Variants in DNAH11 observed in about 807,000 individuals in gnomAD.
DNAH11 encodes the protein axonemal beta dynein heavy chain 11.
DNAH11 carries 442 observed loss-of-function variants against 526.0 expected under a neutral mutation model. That is an observed-to-expected ratio of 0.84 (90% CI 0.78 to 0.91). DNAH11 has a LOEUF of 0.91. DNAH11 is among the 40% of genes least tolerant of loss of function. The pLI is 0.00. For missense variants in DNAH11, 6,989 were observed against 5,448.7 expected (o/e 1.28, Z -8.90); for synonymous variants, 2,461 against 1,935.9 (o/e 1.27, Z -7.12).
At chr7:21,575,850 C>T (rs1037920877) in intron 8 of DNAH11, among the ~76,000 whole-genome samples, 13 of 152,332 alleles carry the variant, frequency 8.5e-5, no homozygotes, top group African/African-American at 3.1e-4. Context: ...TATATTTTGG[C>T]AGTCATTCTG....
At chr7:21,781,319 G>A (rs28390069) in intron 57 of DNAH11, among the ~76,000 whole-genome samples, 4 of 152,180 alleles carry the variant, frequency 2.6e-5, no homozygotes, top group Non-Finnish European at 5.9e-5. Flanking sequence ...AGCCCATGTA[G>A]AGAGGCAGGT....
chr7:21,544,876 CTTGT>C, intron 1 of DNAH11, 126 bp from the exon 2 acceptor site: 1 of 683,812 alleles, frequency 1.5e-6, no homozygotes, highest in East Asian at 2.9e-5. Context: ...GTAGAAGGAC[CTTGT>C]TTATAGGGCA....
intron 45 of DNAH11, 103 bp from the exon 46 acceptor site, chr7:21,735,536 TA>T: frequency 2.1e-6 from 2 of 942,424 alleles, no homozygotes; most frequent in Non-Finnish European, 3.2e-6. Context: ...ATTTCAATTA[TA>T]AAGTGACTGT....
chr7:21,614,975 C>T, intron 20 of DNAH11, 139 bp from the exon 21 acceptor site: 1 of 986,608 alleles, frequency 1.0e-6, no homozygotes, highest in Non-Finnish European at 1.4e-6. Flanking sequence ...TACATTTTGC[C>T]AGTAATTACG....
At chr7:21,897,102 T>C (rs1364703443) in intron 79 of DNAH11, among the ~76,000 whole-genome samples, 1 of 152,150 alleles carries the variant, frequency 6.6e-6, no homozygotes, top group African/African-American at 2.4e-5. Context: ...TCATCGTCCA[T>C]AATTATCAGT....
Position 21,600,115 on chromosome 7 carries a change from A to T in DNAH11, c.2996A>T (p.Tyr999Phe). ...RIATHLEIKN[Y>F]QNDMDNMLGL... is the part of the protein sequence containing the mutation. ...GCAACACACCTGGAAATTAAAAATT[A>T]TCAGGTATTTTCTTAGTAAATGGGT... is the stretch of plus-strand genomic sequence containing the variant. Residue 999 changes from tyrosine (Y) to phenylalanine (F), a missense_variant, in exon 15 of 82, where the codon TAT (tyrosine) becomes TTT (phenylalanine). By Grantham distance (22) the Tyr-to-Phe change is conservative. Transcript: ENST00000409508. 6.5e-7 allele frequency: 1 copy of T among 1,538,396 alleles called. No homozygotes were observed. The highest frequency in any genetic ancestry group is 2.3e-5 in the East Asian group (1 of 43,912).
At chr7:21,616,416 GCAGA>G in intron 22 of DNAH11, 124 bp downstream of exon 22, 1 of 701,042 alleles carries the variant, frequency 1.4e-6, no homozygotes, top group Non-Finnish European at 2.3e-6. Context: ...CAGAGTGATA[GCAGA>G]CAGTGTTTTT....
At chr7:21,580,133 A>G (rs1784256015) in intron 8 of DNAH11, among the ~76,000 whole-genome samples, 2 of 152,162 alleles carry the variant, frequency 1.3e-5, no homozygotes, top group African/African-American at 4.8e-5. Flanking sequence ...GTTTTCAGGA[A>G]TGAGTGAGTG....
Position 21,739,578 on chromosome 7 carries a change from A to G in DNAH11, c.7819A>G (p.Arg2607Gly). ...QHIDYGHWYD[R>G]QKVMLKEIHN... ...CTGTTTTCTGTCTTTCAGGTATGAT[A>G]GACAGAAGGTGATGCTTAAAGAAAT... Residue 2607 changes from arginine (R) to glycine (G), a missense_variant, in exon 48 of 82, where the codon AGA becomes GGA. By Grantham distance (125) the Arg-to-Gly change is moderately radical (BLOSUM62 -2). Transcript: ENST00000409508. 1 of 1,611,510 alleles carries G rather than the reference A, an allele frequency of 6.2e-7. No homozygotes were observed. The highest frequency in any genetic ancestry group is 1.7e-5 in the Admixed American group (1 of 59,606).
intron 8 of DNAH11, among the ~76,000 whole-genome samples, chr7:21,578,047 T>C (rs1784167682): frequency 6.6e-6 from 1 of 152,106 alleles, no homozygotes; most frequent in Non-Finnish European, 1.5e-5. Context: ...CTTACAATCA[T>C]GATGGAAGAT....
At chr7:21,789,663 C>A (rs946230689) in intron 61 of DNAH11, among the ~76,000 whole-genome samples, 1 of 152,072 alleles carries the variant, frequency 6.6e-6, no homozygotes, top group African/African-American at 2.4e-5. Flanking sequence ...TATCTTGGCT[C>A]CACTGTTTAC....
intron 31 of DNAH11, 83 bp from the exon 32 acceptor site, chr7:21,683,701 G>A: frequency 1.5e-6 from 2 of 1,378,858 alleles, no homozygotes; most frequent in South Asian, 2.1e-5. Context: ...TTAGAAATGT[G>A]AACCAGTAGA....
At chr7:21,593,378 T>A (rs867613928) in intron 14 of DNAH11, among the ~76,000 whole-genome samples, 1 of 151,954 alleles carries the variant, frequency 6.6e-6, no homozygotes, top group Non-Finnish European at 1.5e-5. Flanking sequence ...TGGGGAAATA[T>A]GAGTGGAGGC....
At chr7:21,693,990 C>T (rs551083054) in intron 35 of DNAH11, among the ~76,000 whole-genome samples, 2 of 152,030 alleles carry the variant, frequency 1.3e-5, no homozygotes, top group Non-Finnish European at 2.9e-5. Context: ...TTCAACCCAT[C>T]GTATCTCATG....
intron 35 of DNAH11, among the ~76,000 whole-genome samples, chr7:21,692,061 T>C (rs572287402): frequency 4.6e-5 from 7 of 152,358 alleles, no homozygotes; most frequent in Admixed American, 4.6e-4. Context: ...GATTCACTTA[T>C]AATTTAAGTC....
At chr7:21,669,131 A>G (rs1402695683) in intron 30 of DNAH11, among the ~76,000 whole-genome samples, 2 of 152,162 alleles carry the variant, frequency 1.3e-5, no homozygotes, top group Non-Finnish European at 2.9e-5. Context: ...ATTGTGAAGT[A>G]TCTATTAAAA....
chr7:21,674,036 G>T lies in DNAH11; in HGVS notation c.5329-7510G>T, dbSNP rs1457924772. Among the ~76,000 whole-genome samples, 670 of 149,632 alleles carry T rather than the reference G, an allele frequency of 4.5e-3. 5 individuals carry two copies. The highest frequency in any genetic ancestry group is 8.3e-3 in the Admixed American group (123 of 14,884). ...CTCTATTCTGTTTTGTTTTGTGTGT[G>T]TGTGTGTGTGTGTGTGTGTGTGTGT... On this transcript the variant is annotated intron_variant, in intron 30 of 81. Transcript: ENST00000409508.
At chr7:21,699,266 C>G (rs1783969858) in intron 36 of DNAH11, among the ~76,000 whole-genome samples, 1 of 151,980 alleles carries the variant, frequency 6.6e-6, no homozygotes, top group Non-Finnish European at 1.5e-5. Flanking sequence ...CTACAATTTC[C>G]TTGTCTCTAA....
chr7:21,543,335 G>A lies in DNAH11; in HGVS notation c.90G>A (p.Val30=). 6.4e-7 allele frequency: 1 copy of A among 1,551,022 alleles called. No homozygotes were observed. Among genetic ancestry groups the A allele is most frequent in the Non-Finnish European group, 8.7e-7 (1 of 1,146,746 alleles). ...CCTCGGGGGCCGGCCTGGAGGCAGT[G>A]GGCGCTGTGGAGCTCGAGGAGGAGG... ...RLTSGAGLEA[V]GAVELEEEEE... is the part of the protein sequence containing the mutation. Residue 30 remains valine (V), a synonymous_variant, in exon 1 of 82, where the codon GTG becomes GTA. Transcript: ENST00000409508.
Sources: gnomAD v4.1 joint callset for allele counts (sites outside exome capture counted in the v4.1 genomes callset) on GRCh38, gnomAD v4.1.1 for gene constraint, MANE v1.5 for transcripts, NCBI Gene and HGNC (gene_info 2026-07-23, HGNC 2026-07-21) for gene names.